The following ADAD1 variants were observed in gnomAD, a reference collection of about 807,000 sequenced individuals.
ADAD1 encodes the protein adenosine deaminase domain-containing protein 1.
Under a neutral mutation model 66.8 loss-of-function variants are expected in ADAD1, and 46 were observed. The ratio of observed to expected loss-of-function variants is 0.69; its 90% CI spans 0.54 to 0.88. The LOEUF (loss-of-function observed/expected upper bound fraction) is 0.88. Among genes scored for constraint, ADAD1 ranks in the 40% least tolerant of loss-of-function variants. The pLI, the probability that ADAD1 is intolerant of heterozygous loss-of-function variation, is 0.00. For synonymous variants in ADAD1, 248 were observed against 229.4 expected (o/e 1.08, Z -0.73); for missense variants, 617 against 681.8 (o/e 0.91, Z 1.06).
At chr4:122,399,456 C>CTT (rs1297944142) in intron 7 of ADAD1, among the ~76,000 whole-genome samples, 1 of 152,004 alleles carries the variant, frequency 6.6e-6, no homozygotes, top group Admixed American at 6.6e-5. Flanking sequence ...ATTAGTCTTA[C>CTT]TTAGACTATG....
In ADAD1 at chr4:122,381,029, A is replaced by G; in HGVS notation, c.210A>G (p.Ser70=). The change falls in exon 4 of 13, where the codon TCA becomes TCG. Residue 70 remains serine (S), a synonymous_variant. Coordinates refer to ENST00000296513, the MANE Select transcript of ADAD1 (RefSeq NM_139243.4). ...FPEPLLSKNL[S]SISNPVLPPK... is the part of the protein sequence containing the mutation. The stretch of plus-strand genomic sequence containing the variant: ...AGCCGTTGCTTTCCAAGAATCTTTC[A>G]TCTATTTCAAATCCTGTCCTTCCTC... 1 of 1,598,820 alleles carries G rather than the reference A, an allele frequency of 6.3e-7. No homozygotes were observed. Among genetic ancestry groups the G allele is most frequent in the East Asian group, 2.2e-5 (1 of 44,520 alleles).
At chr4:122,417,811 T>C (rs1374929003) in intron 11 of ADAD1, among the ~76,000 whole-genome samples, 1 of 152,128 alleles carries the variant, frequency 6.6e-6, no homozygotes, top group Admixed American at 6.6e-5. Flanking sequence ...AGACATATTC[T>C]CTGATTATGA....
At chr4:122,404,075 A>G (rs1580773859) in intron 7 of ADAD1, among the ~76,000 whole-genome samples, 1 of 152,096 alleles carries the variant, frequency 6.6e-6, no homozygotes, top group South Asian at 2.1e-4. Context: ...CAGCGCTGAG[A>G]TCTTGCACGA....
chr4:122,410,794 C>T (rs907478353), intron 8 of ADAD1, among the ~76,000 whole-genome samples: 1 of 152,066 alleles, frequency 6.6e-6, no homozygotes, highest in Non-Finnish European at 1.5e-5. Context: ...GGAGCAGGGA[C>T]CACAGTTTTT....
At chr4:122,395,724 C>G (rs1208922781) in intron 6 of ADAD1, among the ~76,000 whole-genome samples, 2 of 151,408 alleles carry the variant, frequency 1.3e-5, no homozygotes, top group Non-Finnish European at 1.5e-5. Flanking sequence ...ATAAACTGTT[C>G]TATGGTAATC....
chr4:122,412,518 A>C, intron 9 of ADAD1, 62 bp from the exon 10 acceptor site: 2 of 1,340,736 alleles, frequency 1.5e-6, no homozygotes, highest in Non-Finnish European at 2.1e-6. Context: ...TGTTAGGTAC[A>C]GGTAGATTTT....
intron 8 of ADAD1, 149 bp from the exon 9 acceptor site, chr4:122,411,073 A>T: frequency 1.6e-6 from 1 of 606,066 alleles, no homozygotes; most frequent in Non-Finnish European, 2.7e-6. Flanking sequence ...TTTTTCATTA[A>T]ATAAAGCTAA....
In ADAD1 at chr4:122,425,775, AC is replaced by A. The variant is rs550904173; in HGVS notation, c.1618-3850del. ...AATACCATGCCATTTTATATAAGGGACTTGAGCATCTGCAGATTTCGGTATT... is the reference window on the plus strand; with the variant it reads ...AATACCATGCCATTTTATATAAGGGATTGAGCATCTGCAGATTTCGGTATT... On this transcript the variant is annotated intron_variant, in intron 12 of 12. Coordinates refer to ENST00000296513, the MANE Select transcript of ADAD1 (RefSeq NM_139243.4). Among the ~76,000 whole-genome samples the A allele has an allele frequency of 3.6e-3, 553 of 152,124 alleles. 7 individuals are homozygous for A. The highest frequency in any genetic ancestry group is 0.012 in the African/African-American group (517 of 41,536).
intron 12 of ADAD1, among the ~76,000 whole-genome samples, chr4:122,428,127 A>G (rs1307701996): frequency 6.6e-6 from 1 of 152,194 alleles, no homozygotes; most frequent in African/African-American, 2.4e-5. Context: ...AAATTAACTC[A>G]AAGTGGACTT....
intron 6 of ADAD1, among the ~76,000 whole-genome samples, chr4:122,394,006 T>C (rs1352309422): frequency 6.6e-6 from 1 of 152,198 alleles, no homozygotes; most frequent in East Asian, 1.9e-4. Flanking sequence ...TCAAATAATT[T>C]GTTTATTTTG....
At chr4:122,418,914 A>G (rs944412841) in intron 11 of ADAD1, among the ~76,000 whole-genome samples, 4 of 152,180 alleles carry the variant, frequency 2.6e-5, no homozygotes, top group Non-Finnish European at 5.9e-5. Context: ...AAAGGAACAC[A>G]TATACACTAT....
intron 5 of ADAD1, among the ~76,000 whole-genome samples, chr4:122,392,825 C>G (rs560781460): frequency 1.3e-5 from 2 of 152,278 alleles, no homozygotes; most frequent in African/African-American, 4.8e-5. Context: ...AGTCCAGCGT[C>G]TATGTATCTA....
At chr4:122,393,763 T>C in intron 6 of ADAD1, 106 bp downstream of exon 6, 1 of 800,900 alleles carries the variant, frequency 1.2e-6, no homozygotes, top group Non-Finnish European at 1.8e-6. Context: ...ATTAACACTT[T>C]ATCATCCAAA....
intron 12 of ADAD1, among the ~76,000 whole-genome samples, chr4:122,422,956 T>TAAAA (rs537676034): frequency 2.5e-4 from 24 of 97,156 alleles, no homozygotes; most frequent in East Asian, 1.3e-3. Flanking sequence ...TATTTCTCTT[T>TAAAA]AAAAAAAAAA....
chr4:122,407,917 A>G lies in ADAD1; in HGVS notation c.734A>G (p.His245Arg), dbSNP rs371541360. 8 of 1,613,148 alleles carry G rather than the reference A, an allele frequency of 5.0e-6. No individual in the cohort carries two copies. In the African/African-American group the frequency reaches 6.7e-5, roughly 13 times the overall value. Residue 245 changes from histidine (H) to arginine (R), a missense_variant, in exon 8 of 13, where the codon CAT (histidine) becomes CGT (arginine). By Grantham distance (29) the His-to-Arg change is conservative. Transcript: ENST00000296513. Reference protein sequence around the residue: ...AAFIIERAGQHEVVAIGTGEY... With the variant: ...AAFIIERAGQREVVAIGTGEY... ...TACCTTTTTCTTTCAGCTGGACAAC[A>G]TGAGGTTGTAGCTATAGGCACAGGT...
chr4:122,386,392 TG>T (rs1162194837), intron 5 of ADAD1, among the ~76,000 whole-genome samples: 1 of 152,216 alleles, frequency 6.6e-6, no homozygotes, highest in African/African-American at 2.4e-5. Context: ...TTGATGGGAT[TG>T]TTTTTTTCTT....
chr4:122,425,459 A>G (rs1344692249), intron 12 of ADAD1, among the ~76,000 whole-genome samples: 2 of 152,036 alleles, frequency 1.3e-5, no homozygotes, highest in Non-Finnish European at 2.9e-5. Flanking sequence ...TTATTAGGAA[A>G]ACTAAGAAAT....
chr4:122,386,620 T>C (rs191211724), intron 5 of ADAD1, among the ~76,000 whole-genome samples: 5 of 152,332 alleles, frequency 3.3e-5, no homozygotes, highest in African/African-American at 9.6e-5. Flanking sequence ...CATGCCTGTG[T>C]CCTGAATGGT....
intron 5 of ADAD1, among the ~76,000 whole-genome samples, chr4:122,385,227 G>A (rs964655466): frequency 6.6e-6 from 1 of 151,872 alleles, no homozygotes; most frequent in African/African-American, 2.4e-5. Flanking sequence ...TATTTTTCAT[G>A]TATATCTTCT....
Sources: gnomAD v4.1 joint callset for allele counts (sites outside exome capture counted in the v4.1 genomes callset) on GRCh38, gnomAD v4.1.1 for gene constraint, MANE v1.5 for transcripts, NCBI Gene and HGNC (gene_info 2026-07-23, HGNC 2026-07-21) for gene names.